The following GABBR2 variants were observed in gnomAD, a reference collection of about 807,000 sequenced individuals.
The protein encoded by GABBR2 is G-protein coupled receptor 51.
Under a neutral mutation model 105.6 loss-of-function variants are expected in GABBR2, and 23 were observed. The observed-to-expected ratio is 0.22, with a 90% CI of 0.16 to 0.31. GABBR2 has a LOEUF of 0.31. Ranked by LOEUF, GABBR2 falls within the 10% of genes least tolerant of loss-of-function variation. The probability of loss-of-function intolerance (pLI) is 1.00; values close to 1 mark genes in which losing one functional copy is unlikely to be tolerated. For synonymous variants in GABBR2, 478 were observed against 499.7 expected, an observed-to-expected ratio of 0.96 and a Z score of 0.58; for missense variants, 734 against 1,245.5, an observed-to-expected ratio of 0.59 and a Z score of 6.18.
rs779658254 is a variant in GABBR2, at chr9:98,385,665, T to G, written c.1637A>C (p.Glu546Ala). The G allele has an allele frequency of 6.2e-7, 1 of 1,613,462 alleles. No individual in the cohort carries two copies. The highest frequency in any genetic ancestry group is 8.5e-7 in the Non-Finnish European group (1 of 1,179,400). ...LFGLDGSFVSEKTFETLCTVR... is the reference protein window; with the variant it reads ...LFGLDGSFVSAKTFETLCTVR... ...GGTGCAAAGTGTTTCAAAGGTCTTT[T>G]CAGAGACAAAGGATCCATCAAGGCC... Residue 546 changes from glutamate (E) to alanine (A), a missense_variant, in exon 11 of 19, where the codon GAA (glutamate) becomes GCA (alanine). Glu to Ala is a moderately radical substitution (Grantham distance 107). Coordinates refer to ENST00000259455, the MANE Select transcript of GABBR2 (RefSeq NM_005458.8).
At chr9:98,506,392 T>C (rs1372620155) in intron 3 of GABBR2, among the ~76,000 whole-genome samples, 2 of 152,200 alleles carry the variant, frequency 1.3e-5, no homozygotes, top group Non-Finnish European at 2.9e-5. Flanking sequence ...AATGAGAGCA[T>C]GGATGAGTGC....
At chr9:98,606,972 C>T (rs1829433357) in intron 1 of GABBR2, 1 of 779,030 alleles carries the variant, frequency 1.3e-6, no homozygotes, top group Admixed American at 1.7e-5. Context: ...TGCATCCAAA[C>T]CGCTGCTCGC....
chr9:98,606,478 T>C (rs968402008), intron 1 of GABBR2, among the ~76,000 whole-genome samples: 23 of 90,912 alleles, frequency 2.5e-4, no homozygotes, highest in African/African-American at 8.2e-4. Context: ...TTATCTTTTT[T>C]TTTTCTTTTT....
chr9:98,307,051 C>T (rs7867834), intron 14 of GABBR2, among the ~76,000 whole-genome samples: 25,041 of 152,110 alleles, frequency 0.16, 2,145 homozygotes, highest in Middle Eastern at 0.22. Context: ...AAGGCTATGA[C>T]GTGGAACCTG....
chr9:98,567,261 A>T (rs1828765918), intron 2 of GABBR2, among the ~76,000 whole-genome samples: 1 of 152,244 alleles, frequency 6.6e-6, no homozygotes, highest in Non-Finnish European at 1.5e-5. Context: ...TGAATTAAAA[A>T]TAGGGGTCAG....
intron 1 of GABBR2, among the ~76,000 whole-genome samples, chr9:98,697,343 T>C (rs893401571): frequency 2.0e-5 from 3 of 152,090 alleles, no homozygotes; most frequent in African/African-American, 7.2e-5. Flanking sequence ...TACAAAAAAT[T>C]AGCCGGGCGT....
chr9:98,543,937 A>G lies in GABBR2; in HGVS notation c.460-1894T>C, dbSNP rs1358136475. Among the ~76,000 whole-genome samples the G allele has an allele frequency of 2.0e-5, 3 of 152,080 alleles. No individual in the cohort carries two copies. The East Asian group carries it at 5.8e-4, about 29-fold the overall frequency. ...CCTTTATGACTTCAGGTTTTATGTC[A>G]TATTTAAGAAAGGCCTCTCTTACTC... On this transcript the variant is annotated intron_variant, in intron 2 of 18. Coordinates refer to ENST00000259455, the MANE Select transcript of GABBR2 (RefSeq NM_005458.8).
intron 2 of GABBR2, among the ~76,000 whole-genome samples, chr9:98,574,358 G>A (rs764712915): frequency 3.9e-5 from 6 of 152,168 alleles, no homozygotes; most frequent in Non-Finnish European, 7.3e-5. Context: ...TGGTCTTTTC[G>A]TGACTCACTT....
chr9:98,618,662 GTC>G (rs750283892), intron 1 of GABBR2, among the ~76,000 whole-genome samples: 3 of 151,888 alleles, frequency 2.0e-5, no homozygotes, highest in African/African-American at 7.3e-5. Flanking sequence ...CTCTCAGTGT[GTC>G]TCTCTCTGTC....
chr9:98,508,764 C>T (rs1331444527), intron 3 of GABBR2, among the ~76,000 whole-genome samples: 6 of 109,798 alleles, frequency 5.5e-5, no homozygotes, highest in Admixed American at 2.7e-4. Context: ...GTAAACAAAG[C>T]GGCAGGAAAC....
intron 1 of GABBR2, among the ~76,000 whole-genome samples, chr9:98,585,296 G>T (rs941595398): frequency 2.0e-5 from 3 of 151,764 alleles, no homozygotes; most frequent in Non-Finnish European, 2.9e-5. Flanking sequence ...ATACACCATG[G>T]AATACTATGC....
intron 3 of GABBR2, among the ~76,000 whole-genome samples, chr9:98,511,923 C>T (rs1021007084): frequency 7.2e-5 from 11 of 152,174 alleles, no homozygotes; most frequent in Admixed American, 7.2e-4. Context: ...CAACATCATC[C>T]TGATACCAAA....
intron 17 of GABBR2, 59 bp downstream of exon 17, chr9:98,299,165 G>A (rs1830428128): frequency 3.5e-6 from 5 of 1,432,020 alleles, no homozygotes; most frequent in Non-Finnish European, 4.9e-6. Flanking sequence ...AATGGAAGAT[G>A]AACAGCTGGT....
chr9:98,529,972 CA>C (rs942566395), intron 3 of GABBR2, among the ~76,000 whole-genome samples: 32 of 152,312 alleles, frequency 2.1e-4, no homozygotes, highest in African/African-American at 7.7e-4. Flanking sequence ...CTGAAGGTTC[CA>C]CACACCTTCC....
chr9:98,293,073 G>A (rs1830326608), intron 18 of GABBR2, among the ~76,000 whole-genome samples: 1 of 152,166 alleles, frequency 6.6e-6, no homozygotes, highest in Non-Finnish European at 1.5e-5. Context: ...GGCTGCTTTT[G>A]CTGGTTCCTC....
intron 3 of GABBR2, among the ~76,000 whole-genome samples, chr9:98,536,481 C>A (rs567929064): frequency 1.6e-4 from 24 of 152,200 alleles, no homozygotes; most frequent in Non-Finnish European, 2.6e-4. Context: ...GGGAGAGACC[C>A]AAATGTCTCT....
chr9:98,464,047 G>A (rs992503595), intron 6 of GABBR2, among the ~76,000 whole-genome samples: 12 of 152,218 alleles, frequency 7.9e-5, no homozygotes, highest in African/African-American at 1.7e-4. Context: ...GCCTCTGCCC[G>A]CCCGCCACCC....
chr9:98,453,030 T>C (rs1024573626), intron 7 of GABBR2, among the ~76,000 whole-genome samples: 12 of 151,624 alleles, frequency 7.9e-5, no homozygotes, highest in Non-Finnish European at 4.4e-5. Context: ...TTCTATGCCC[T>C]TTTTTTTTCT....
chr9:98,302,578 C>A (rs184610322), intron 16 of GABBR2, among the ~76,000 whole-genome samples: 7 of 152,222 alleles, frequency 4.6e-5, no homozygotes, highest in Non-Finnish European at 4.4e-5. Context: ...TCCTGTCCCC[C>A]TCCCTAATCA....
Sources: allele counts gnomAD v4.1 joint callset (sites outside exome capture counted in the v4.1 genomes callset), GRCh38; gene constraint gnomAD v4.1.1; transcripts MANE v1.5; gene names NCBI Gene and HGNC (gene_info 2026-07-23, HGNC 2026-07-21).